TLL2: variants seen among roughly 807,000 people sequenced by gnomAD.
The protein encoded by TLL2 is tolloid-like protein 2.
TLL2 carries 106 observed loss-of-function variants against 123.0 expected under a neutral mutation model. The ratio of observed to expected loss-of-function variants is 0.86; its 90% CI spans 0.74 to 1.01. The LOEUF (loss-of-function observed/expected upper bound fraction) is 1.01. Ranked by LOEUF, TLL2 falls within the 50% of genes least tolerant of loss-of-function variation. The probability of loss-of-function intolerance (pLI) is 0.00; values close to 1 mark genes in which losing one functional copy is unlikely to be tolerated. For synonymous variants in TLL2, 494 were observed against 516.8 expected (o/e 0.96, Z 0.60); for missense variants, 1,332 against 1,336.7 (o/e 1.00, Z 0.06).
At chr10:96,374,247 T>TA (rs1223746052) in intron 18 of TLL2, 1 of 205,508 alleles carries the variant, frequency 4.9e-6, no homozygotes, top group Non-Finnish European at 9.9e-6. Context: ...TTAAATGCTT[T>TA]ACAAGTATCG....
intron 1 of TLL2, among the ~76,000 whole-genome samples, chr10:96,484,959 T>C (rs946658697): frequency 6.6e-6 from 1 of 152,254 alleles, no homozygotes; most frequent in Admixed American, 6.5e-5. Flanking sequence ...GTGAAATCTA[T>C]GAATTGAGAC....
intron 5 of TLL2, 44 bp downstream of exon 5, chr10:96,428,587 A>G: frequency 7.8e-7 from 1 of 1,279,994 alleles, no homozygotes; most frequent in Non-Finnish European, 1.1e-6. Context: ...CTCATGAGCC[A>G]TCCGACTGAT....
intron 2 of TLL2, among the ~76,000 whole-genome samples, chr10:96,479,605 G>A (rs1041188402): frequency 3.3e-5 from 5 of 152,226 alleles, no homozygotes; most frequent in Admixed American, 1.3e-4. Context: ...AGTGGGAGAG[G>A]AGACTCCATC....
chr10:96,384,739 C>G lies in TLL2; in HGVS notation c.2042G>C (p.Arg681Pro). Reference sequence around the variant, plus strand: ...CTTGGCGTCGGGGGACAGGCCGCTGCGCACCTCTACAAAGTCGTACTTACA... The same window carrying G: ...CTTGGCGTCGGGGGACAGGCCGCTGGGCACCTCTACAAAGTCGTACTTACA... ...DVCKYDFVEVRSGLSPDAKLH... is the reference protein window; with the variant it reads ...DVCKYDFVEVPSGLSPDAKLH... The change falls in exon 16 of 21, where the codon CGC (arginine) becomes CCC (proline). Residue 681 changes from arginine to proline, a missense_variant. Arg to Pro is a moderately radical substitution (Grantham distance 103). Coordinates refer to ENST00000357947, the MANE Select transcript of TLL2 (RefSeq NM_012465.4). 6.2e-7 allele frequency: 1 copy of G among 1,604,918 alleles called. No individual in the cohort carries two copies. Among genetic ancestry groups the G allele is most frequent in the South Asian group, 1.1e-5 (1 of 89,988 alleles).
chr10:96,482,692 G>A (rs1847323052), intron 1 of TLL2, among the ~76,000 whole-genome samples: 1 of 152,212 alleles, frequency 6.6e-6, no homozygotes, highest in Non-Finnish European at 1.5e-5. Flanking sequence ...GACTGTAAAT[G>A]AACATGCAGA....
intron 1 of TLL2, among the ~76,000 whole-genome samples, chr10:96,502,421 C>T (rs1847543802): frequency 6.6e-6 from 1 of 152,216 alleles, no homozygotes; most frequent in South Asian, 2.1e-4. Context: ...TCAGCCACTA[C>T]TGCAGCAGCC....
intron 2 of TLL2, among the ~76,000 whole-genome samples, chr10:96,449,305 A>T (rs1846931345): frequency 6.6e-6 from 1 of 152,194 alleles, no homozygotes; most frequent in African/African-American, 2.4e-5. Flanking sequence ...TCAGTCACAG[A>T]AAGAACGAAG....
Position 96,373,595 on chromosome 10 carries a change from C to T in TLL2, c.2662+1G>A. On this transcript the variant is annotated splice_donor_variant, in intron 19 of 20. Coordinates refer to ENST00000357947, the MANE Select transcript of TLL2 (RefSeq NM_012465.4). LOFTEE classifies it high-confidence loss of function. The stretch of plus-strand genomic sequence containing the variant: ...GGAAGCCAGTGTCCCACCCCAGGTA[C>T]CTGTGCTGTGCACTGCCTGGAAGCC... 1 of 1,613,972 alleles carries T rather than the reference C, an allele frequency of 6.2e-7. No individual in the cohort carries two copies. Among genetic ancestry groups the T allele is most frequent in the Non-Finnish European group, 8.5e-7 (1 of 1,179,836 alleles).
At chr10:96,446,203 C>T in intron 2 of TLL2, 35 bp from the exon 3 acceptor site, 1 of 1,606,460 alleles carries the variant, frequency 6.2e-7, no homozygotes, top group Non-Finnish European at 8.5e-7. Flanking sequence ...CATGAGGACA[C>T]ATCAGCCTTC....
At chr10:96,500,872 A>C (rs1339397313) in intron 1 of TLL2, among the ~76,000 whole-genome samples, 1 of 152,178 alleles carries the variant, frequency 6.6e-6, no homozygotes, top group African/African-American at 2.4e-5. Flanking sequence ...GATTGCTTAA[A>C]TAAATTATGG....
intron 17 of TLL2, 141 bp from the exon 18 acceptor site, chr10:96,376,960 C>T (rs1589405138): frequency 4.0e-6 from 3 of 750,188 alleles, no homozygotes; most frequent in Admixed American, 3.5e-5. Context: ...TATCCTGAAT[C>T]AGGTATCTCC....
chr10:96,512,122 C>A (rs1847637757), intron 1 of TLL2, among the ~76,000 whole-genome samples: 1 of 152,114 alleles, frequency 6.6e-6, no homozygotes, highest in African/African-American at 2.4e-5. Flanking sequence ...CAGGAAACTT[C>A]CCTTACTAAG....
chr10:96,420,945 T>C lies in TLL2; in HGVS notation c.923+11A>G, dbSNP rs372537246. On this transcript the variant is annotated intron_variant, in intron 7 of 20. Coordinates refer to ENST00000357947, the MANE Select transcript of TLL2 (RefSeq NM_012465.4). ...GTAAAACACAGACGAGGCATAAGCA[T>C]AGATTCCGACCTTGAGAAGGTGTTC... 459 of 1,613,166 alleles carry C rather than the reference T, an allele frequency of 2.8e-4. 1 individual carries two copies. The highest frequency in any genetic ancestry group is 3.6e-4 in the Non-Finnish European group (427 of 1,179,294).
rs1311407952 is a variant in TLL2, at chr10:96,446,800, C to T, written c.287-632G>A. Among the ~76,000 whole-genome samples the T allele has an allele frequency of 9.2e-5, 14 of 152,320 alleles. No individual in the cohort carries two copies. In the East Asian group the frequency reaches 2.3e-3, roughly 25 times the overall value. ...ATTTATAAACTGTGTTAACATTTGT[C>T]TCTACCAGGAATGTGGCCAATCACC... On this transcript the variant is annotated intron_variant, in intron 2 of 20. Coordinates refer to ENST00000357947, the MANE Select transcript of TLL2 (RefSeq NM_012465.4).
intron 1 of TLL2, among the ~76,000 whole-genome samples, chr10:96,486,176 T>C (rs1001987061): frequency 5.3e-5 from 8 of 152,194 alleles, no homozygotes; most frequent in African/African-American, 1.9e-4. Flanking sequence ...AAGAAAATAA[T>C]AAGTATTTTA....
At chr10:96,371,959 C>T (rs1223250876) in intron 19 of TLL2, among the ~76,000 whole-genome samples, 1 of 152,212 alleles carries the variant, frequency 6.6e-6, no homozygotes, top group Non-Finnish European at 1.5e-5. Context: ...TCCTCTGGGC[C>T]TGGAGTTGCA....
chr10:96,469,362 AACC>A (rs1847157000), intron 2 of TLL2, among the ~76,000 whole-genome samples: 1 of 152,242 alleles, frequency 6.6e-6, no homozygotes, highest in Non-Finnish European at 1.5e-5. Flanking sequence ...TTCCTACAAG[AACC>A]AGTCGCTCTT....
chr10:96,405,864 G>T (rs573122116), intron 9 of TLL2, among the ~76,000 whole-genome samples: 96 of 152,262 alleles, frequency 6.3e-4, no homozygotes, highest in African/African-American at 2.2e-3. Context: ...CTCCACCATT[G>T]TTTGTTGACC....
chr10:96,476,240 A>ATATATATTT, intron 2 of TLL2, among the ~76,000 whole-genome samples: 12 of 20,484 alleles, frequency 5.9e-4, no homozygotes, highest in Non-Finnish European at 7.0e-4. Context: ...ATATATATAT[A>ATATATATTT]TTTTATTTTT....
Sources: allele counts gnomAD v4.1 joint callset (sites outside exome capture counted in the v4.1 genomes callset), GRCh38; gene constraint gnomAD v4.1.1; transcripts MANE v1.5; gene names NCBI Gene and HGNC (gene_info 2026-07-23, HGNC 2026-07-21).